Variants in CFAP99 observed in about 807,000 individuals in gnomAD.
CFAP99 encodes cilia and flagella associated protein 99, also known as cilia- and flagella-associated protein 99.
Under a neutral mutation model 82.7 loss-of-function variants are expected in CFAP99, and 84 were observed. The ratio of observed to expected loss-of-function variants is 1.02; its 90% CI spans 0.85 to 1.22. The LOEUF is 1.22. Among genes scored for constraint, CFAP99 ranks in the 50% most tolerant of loss-of-function variants. CFAP99 has a pLI of 0.00. For synonymous variants in CFAP99, 456 were observed against 429.5 expected (o/e 1.06, Z -0.76); for missense variants, 1,059 against 983.5 (o/e 1.08, Z -1.03).
At position 2,449,308 on chromosome 4, in the gene CFAP99, G is replaced by A. The variant is rs538179642; in HGVS notation, c.643-362G>A. On this transcript the variant is annotated intron_variant, in intron 6 of 14. Coordinates refer to ENST00000635017, the Ensembl canonical transcript of CFAP99. ...TCTCCTGCCCAGGCAGCCATCTTCCGCCTGTCTCCCAGTGTCAAGGGAGCT... is the reference window on the plus strand; with the variant it reads ...TCTCCTGCCCAGGCAGCCATCTTCCACCTGTCTCCCAGTGTCAAGGGAGCT... Among the ~76,000 whole-genome samples, 43 of 152,170 alleles carry A rather than the reference G, an allele frequency of 2.8e-4. No homozygotes were observed. The South Asian group carries it at 7.9e-3, about 28-fold the overall frequency.
intron 1 of CFAP99, among the ~76,000 whole-genome samples, chr4:2,423,490 C>T (rs952647314): frequency 1.3e-5 from 2 of 152,238 alleles, no homozygotes; most frequent in Admixed American, 1.3e-4. Context: ...GCCAGAGACT[C>T]AGCTAGAGGG....
At chr4:2,431,002 T>C (rs561445739) in intron 2 of CFAP99, among the ~76,000 whole-genome samples, 2 of 146,224 alleles carry the variant, frequency 1.4e-5, no homozygotes, top group East Asian at 4.0e-4. Flanking sequence ...AGTCCAGGAG[T>C]TGAAGGCTAT....
Position 2,426,574 on chromosome 4 carries a change from C to T in CFAP99, c.99C>T (p.Ala33=), listed in dbSNP as rs138160565. ...CTGAGCAGTTCCTGGAGGCTGCGGCCACCTCCCTGCAGGTAGGATCTGCTG... is the reference window on the plus strand; with the variant it reads ...CTGAGCAGTTCCTGGAGGCTGCGGCTACCTCCCTGCAGGTAGGATCTGCTG... The change falls in exon 2 of 15, where the codon GCC becomes GCT. Residue 33 remains alanine, a synonymous_variant. Transcript: ENST00000635017. The T allele has an allele frequency of 1.6e-4, 242 of 1,535,242 alleles. 1 individual carries two copies. The East Asian group carries it at 4.3e-3, about 27-fold the overall frequency.
intron 11 of CFAP99, among the ~76,000 whole-genome samples, chr4:2,456,153 T>G (rs1661624732): frequency 6.6e-6 from 1 of 152,184 alleles, no homozygotes; most frequent in Admixed American, 6.5e-5. Flanking sequence ...CCTATCTGGG[T>G]GCTTTTCTGT....
chr4:2,445,129 A>G lies in CFAP99; in HGVS notation c.465-2A>G, dbSNP rs1289408931. The G allele has an allele frequency of 1.2e-5, 16 of 1,349,030 alleles. No individual in the cohort carries two copies. The highest frequency in any genetic ancestry group is 1.5e-5 in the African/African-American group (1 of 65,980). The allele number at this position is 1,349,030 out of a possible 1,614,324, so 83.6% of individuals were successfully genotyped here. A position where few individuals can be genotyped will look rare whatever the true frequency, so the allele number is the denominator to read the frequency against. ...AGAGGTGTTTCCACTTTTGCCTTCA[A>G]GATGGCAGCCAGAGGTCCAGGAGCT... On this transcript the variant is annotated splice_acceptor_variant, in intron 5 of 14. Coordinates refer to ENST00000635017, the Ensembl canonical transcript of CFAP99. LOFTEE classifies it high-confidence loss of function.
At chr4:2,441,563 G>A (rs1332868553) in intron 4 of CFAP99, among the ~76,000 whole-genome samples, 1 of 152,134 alleles carries the variant, frequency 6.6e-6, no homozygotes, top group Non-Finnish European at 1.5e-5. Context: ...AGCACCGTTG[G>A]GGACAGGGTG....
intron 2 of CFAP99, among the ~76,000 whole-genome samples, chr4:2,435,562 C>T (rs143572157): frequency 6.6e-6 from 1 of 152,212 alleles, no homozygotes; most frequent in East Asian, 1.9e-4. Flanking sequence ...TTTACAGTAT[C>T]GTAGAACACA....
At chr4:2,454,518 T>C (rs990876873) in intron 11 of CFAP99, among the ~76,000 whole-genome samples, 6 of 147,650 alleles carry the variant, frequency 4.1e-5, no homozygotes, top group Admixed American at 4.1e-4. Flanking sequence ...CACATACTTA[T>C]TCCTGGTAAG....
chr4:2,424,354 A>G (rs766105453), intron 1 of CFAP99, among the ~76,000 whole-genome samples: 2 of 152,204 alleles, frequency 1.3e-5, no homozygotes, highest in Non-Finnish European at 2.9e-5. Context: ...TCAGGAGGCT[A>G]AGGCAGGAGA....
intron 2 of CFAP99, among the ~76,000 whole-genome samples, chr4:2,434,820 G>A (rs1733875821): frequency 1.3e-5 from 2 of 152,250 alleles, no homozygotes; most frequent in South Asian, 4.1e-4. Flanking sequence ...GAAGCCTGTA[G>A]TTCTCAGGCC....
intron 7 of CFAP99, 37 bp from the exon 8 acceptor site, chr4:2,449,897 G>C (rs1734261207): frequency 6.5e-7 from 1 of 1,535,870 alleles, no homozygotes; most frequent in South Asian, 1.2e-5. Context: ...ACTGGGCAGA[G>C]GCTGGTGGGA....
Position 2,462,411 on chromosome 4 carries a change from C to T in CFAP99, c.1662-32C>T. ...GGGTCTGGCCTGGGCCTCCCGCCGG[C>T]CTGCTCCTGAGCCCGCCGCGTCGCC... On this transcript the variant is annotated intron_variant, in intron 14 of 14. Coordinates refer to ENST00000635017, the Ensembl canonical transcript of CFAP99. This position sits in a 1 kb window ranked among gnomAD's most constrained non-coding sequence, Gnocchi z 4.1. 7.1e-7 allele frequency: 1 copy of T among 1,402,434 alleles called. No homozygotes were observed. Among genetic ancestry groups the T allele is most frequent in the Non-Finnish European group, 9.2e-7 (1 of 1,091,760 alleles). The allele number at this position is 1,402,434 out of a possible 1,614,324, so 86.9% of individuals were successfully genotyped here.
chr4:2,439,586 G>A (rs914692586), intron 4 of CFAP99, among the ~76,000 whole-genome samples: 3 of 152,358 alleles, frequency 2.0e-5, no homozygotes, highest in Admixed American at 6.5e-5. Flanking sequence ...CCCCGAGCCA[G>A]CACTGTACAC....
intron 1 of CFAP99, among the ~76,000 whole-genome samples, chr4:2,424,363 G>A (rs1472122229): frequency 6.6e-6 from 1 of 152,250 alleles, no homozygotes; most frequent in East Asian, 1.9e-4. Flanking sequence ...TAAGGCAGGA[G>A]AGTCGCTTGA....
chr4:2,438,152 T>A, exon 4 of CFAP99: 1 of 1,535,068 alleles, frequency 6.5e-7, no homozygotes, highest in Non-Finnish European at 8.7e-7. Context: ...AGCCCGTGGA[T>A]AAGATGTGCA....
rs1227730131 is a variant in CFAP99 at position 2,462,018 on chromosome 4, G to A, written c.1662-425G>A. On this transcript the variant is annotated intron_variant, in intron 14 of 14. Transcript: ENST00000635017. This position sits in a 1 kb window ranked among gnomAD's most constrained non-coding sequence, Gnocchi z 4.1. Reference sequence around the variant, plus strand: ...TTTAAAAAAAAAAAAGCTGCTAGGCGCCGTGGCTCACGCCTGTAATCCCAG... The same window carrying A: ...TTTAAAAAAAAAAAAGCTGCTAGGCACCGTGGCTCACGCCTGTAATCCCAG... Among the ~76,000 whole-genome samples, 2 of 151,714 alleles carry A rather than the reference G, an allele frequency of 1.3e-5. No individual in the cohort carries two copies. Among genetic ancestry groups the A allele is most frequent in the Non-Finnish European group, 2.9e-5 (2 of 67,936 alleles).
At chr4:2,459,391 T>C in intron 13 of CFAP99, 133 bp downstream of exon 13, 1 of 1,106,372 alleles carries the variant, frequency 9.0e-7, no homozygotes, top group Non-Finnish European at 1.2e-6. Context: ...CCCGCCACCC[T>C]CCGTGACTCA....
intron 1 of CFAP99, 94 bp from the exon 2 acceptor site, chr4:2,426,365 G>A: frequency 1.3e-6 from 1 of 771,826 alleles, no homozygotes; most frequent in East Asian, 2.7e-5. Context: ...GCTGCTACAG[G>A]CCCAACACCC....
chr4:2,425,917 G>A (rs736679), intron 1 of CFAP99, among the ~76,000 whole-genome samples: 8,028 of 152,096 alleles, frequency 0.053, 326 homozygotes, highest in East Asian at 0.16. Context: ...GGATGGCGGC[G>A]TTGACCCCAG....
Sources: allele counts gnomAD v4.1 joint callset (sites outside exome capture counted in the v4.1 genomes callset), GRCh38; gene constraint gnomAD v4.1.1; non-coding constraint Gnocchi (gnomAD v3.1); transcripts MANE v1.5; gene names NCBI Gene and HGNC (gene_info 2026-07-23, HGNC 2026-07-21).